The following ZNF280B variants were observed in gnomAD, a reference collection of about 807,000 sequenced individuals.
ZNF280B encodes suppressor of hairy wing homolog 2.
In ZNF280B, 16 loss-of-function variants were observed where a neutral mutation model predicts 38.0. That is an observed-to-expected ratio of 0.42 (90% CI 0.28 to 0.64). The LOEUF (loss-of-function observed/expected upper bound fraction) is 0.64. Among genes scored for constraint, ZNF280B ranks in the 30% least tolerant of loss-of-function variants. The pLI, the probability that ZNF280B is intolerant of heterozygous loss-of-function variation, is 0.21. For synonymous variants in ZNF280B, 253 were observed against 230.6 expected (o/e 1.10, Z -0.88); for missense variants, 581 against 639.6 (o/e 0.91, Z 0.99).
chr22:22,507,302 A>T (rs951836682), intron 2 of ZNF280B, among the ~76,000 whole-genome samples: 3 of 151,670 alleles, frequency 2.0e-5, no homozygotes, highest in Non-Finnish European at 2.9e-5. Flanking sequence ...GAGGTAATAA[A>T]TTTTTTTTTA....
chr22:22,496,656 AAAG>A (rs2061701787), intron 2 of ZNF280B, among the ~76,000 whole-genome samples: 1 of 151,616 alleles, frequency 6.6e-6, no homozygotes, highest in Non-Finnish European at 1.5e-5. Context: ...CAAGTTTGAG[AAAG>A]AAGCAGTGGG....
chr22:22,487,666 T>G lies in ZNF280B; in HGVS notation c.*101A>C. 2 of 949,864 alleles carry G rather than the reference T, an allele frequency of 2.1e-6. No individual in the cohort carries two copies. The highest frequency in any genetic ancestry group is 3.1e-6 in the Non-Finnish European group (2 of 641,884). The allele number at this position is 949,864 out of a possible 1,614,324, so 58.8% of individuals were successfully genotyped here. A position where few individuals can be genotyped will look rare whatever the true frequency, so the allele number is the denominator to read the frequency against. On this transcript the variant is annotated 3_prime_UTR_variant, in exon 4 of 4. Transcript: ENST00000626650. ...GTCATATATAATCCACTAGTTTCAC[T>G]ATTTTTGGTGCTACTGAATAATGTA...
At chr22:22,497,403 C>T (rs574275442) in intron 2 of ZNF280B, among the ~76,000 whole-genome samples, 46 of 151,148 alleles carry the variant, frequency 3.0e-4, no homozygotes, top group Non-Finnish European at 5.2e-4. Flanking sequence ...TGGTGGTGGG[C>T]GCCTGTAATC....
Position 22,484,902 on chromosome 22 carries a change from A to G in ZNF280B, c.*2865T>C, listed in dbSNP as rs892351356. The G allele has an allele frequency of 1.3e-5, 2 of 151,996 alleles. No homozygotes were observed. The highest frequency in any genetic ancestry group is 3.9e-4 in the East Asian group (2 of 5,072). 9.4% of individuals were successfully genotyped at this position (151,996 alleles called of 1,614,324 possible). A position where few individuals can be genotyped will look rare whatever the true frequency, so the allele number is the denominator to read the frequency against. ...GAGATCTCATTGTCAGTGGCATTTTAAGAGCCTTGAAGCTCAATGAACCAA... is the reference window on the plus strand; with the variant it reads ...GAGATCTCATTGTCAGTGGCATTTTGAGAGCCTTGAAGCTCAATGAACCAA... On this transcript the variant is annotated 3_prime_UTR_variant, in exon 4 of 4. Transcript: ENST00000626650.
upstream of ZNF280B, chr22:22,508,791 G>C (rs2061994931): frequency 6.6e-6 from 1 of 152,028 alleles, no homozygotes; most frequent in East Asian, 2.0e-4. Context: ...CCACACGCGC[G>C]CGTCCAGTGG....
intron 2 of ZNF280B, among the ~76,000 whole-genome samples, chr22:22,496,051 C>T (rs886201580): frequency 2.6e-5 from 4 of 151,250 alleles, no homozygotes; most frequent in African/African-American, 9.7e-5. Flanking sequence ...GGTTATCCAC[C>T]CACCTCGGCC....
rs1489789587 is a variant in ZNF280B, at chr22:22,492,875, G to C, written c.-69+1188C>G. 3.5e-5 allele frequency among the ~76,000 whole-genome samples: 5 copies of C among 143,110 alleles called. No individual in the cohort carries two copies. In the East Asian group the frequency reaches 1.1e-3, roughly 30 times the overall value. The allele number at this position is 143,110 out of a possible 152,430, so 93.9% of individuals were successfully genotyped here. A position where few individuals can be genotyped will look rare whatever the true frequency, so the allele number is the denominator to read the frequency against. On this transcript the variant is annotated intron_variant, in intron 3 of 3. Coordinates refer to ENST00000626650, the MANE Select transcript of ZNF280B (RefSeq NM_080764.4). ...CACTCCAGTCCGGGTGACAGTGCGA[G>C]ACTGCATCTCAAAAAAAAAAAAAGA...
chr22:22,506,551 A>AT (rs1463626698), intron 2 of ZNF280B, among the ~76,000 whole-genome samples: 2 of 151,774 alleles, frequency 1.3e-5, no homozygotes, highest in Non-Finnish European at 2.9e-5. Context: ...AATACGGACA[A>AT]CTCTGGAGAA....
chr22:22,485,888 G>A lies in ZNF280B; in HGVS notation c.*1879C>T, dbSNP rs1366598185. 4 of 152,000 alleles carry A rather than the reference G, an allele frequency of 2.6e-5. No individual in the cohort carries two copies. Among genetic ancestry groups the A allele is most frequent in the Non-Finnish European group, 5.9e-5 (4 of 68,104 alleles). 9.4% of individuals were successfully genotyped at this position (152,000 alleles called of 1,614,324 possible). On this transcript the variant is annotated 3_prime_UTR_variant, in exon 4 of 4. Transcript: ENST00000626650. ...GATGGCACCAGAACACAAGCAGGGAGACAACTCCGGGAGTCCACAGAGGCA... is the reference window on the plus strand; with the variant it reads ...GATGGCACCAGAACACAAGCAGGGAAACAACTCCGGGAGTCCACAGAGGCA...
chr22:22,491,258 A>C (rs2061587736), intron 3 of ZNF280B, among the ~76,000 whole-genome samples: 1 of 151,786 alleles, frequency 6.6e-6, no homozygotes, highest in Non-Finnish European at 1.5e-5. Flanking sequence ...TACTCTGAGA[A>C]CTTTATCCAT....
chr22:22,494,667 G>C (rs1446607369), intron 2 of ZNF280B, among the ~76,000 whole-genome samples: 1 of 151,950 alleles, frequency 6.6e-6, no homozygotes, highest in Non-Finnish European at 1.5e-5. Flanking sequence ...AAAGCTGAGA[G>C]ATCAGTGGAT....
At position 22,486,600 on chromosome 22, in the gene ZNF280B, G is replaced by A. The variant is rs2061505090; in HGVS notation, c.*1167C>T. 1 of 152,264 alleles carries A rather than the reference G, an allele frequency of 6.6e-6. No individual in the cohort carries two copies. Among genetic ancestry groups the A allele is most frequent in the African/African-American group, 2.4e-5 (1 of 41,404 alleles). The allele number at this position is 152,264 out of a possible 1,614,324, so 9.4% of individuals were successfully genotyped here. On this transcript the variant is annotated 3_prime_UTR_variant, in exon 4 of 4. Coordinates refer to ENST00000626650, the MANE Select transcript of ZNF280B (RefSeq NM_080764.4). ...TCACCTTTAGATCACAGAACAGGAAGTCAGCTAGTACCAGGCACCATTCTA... is the reference window on the plus strand; with the variant it reads ...TCACCTTTAGATCACAGAACAGGAAATCAGCTAGTACCAGGCACCATTCTA...
At chr22:22,502,506 C>T (rs1215877407) in intron 2 of ZNF280B, among the ~76,000 whole-genome samples, 2 of 151,864 alleles carry the variant, frequency 1.3e-5, no homozygotes, top group Non-Finnish European at 2.9e-5. Flanking sequence ...CATAATGCTG[C>T]TACAAAGTGC....
intron 3 of ZNF280B, 36 bp downstream of exon 3, chr22:22,494,027 G>A (rs1016396776): frequency 6.6e-6 from 1 of 151,694 alleles, no homozygotes; most frequent in African/African-American, 2.4e-5. Flanking sequence ...CCCTCATGAT[G>A]TGATTGGCGC....
Position 22,489,041 on chromosome 22 carries a change from G to A in ZNF280B, c.358C>T (p.Pro120Ser). 1.2e-6 allele frequency: 2 copies of A among 1,613,830 alleles called. No homozygotes were observed. Among genetic ancestry groups the A allele is most frequent in the Non-Finnish European group, 1.7e-6 (2 of 1,179,956 alleles). Reference sequence around the variant, plus strand: ...TTTCTATAATCAGGTTTAGACAAAGGCTCAATAATAATAGGACTATCTGTT... The same window carrying A: ...TTTCTATAATCAGGTTTAGACAAAGACTCAATAATAATAGGACTATCTGTT... The part of the protein sequence containing the change: ...RSTDSPIIIE[P>S]LSKPDYRNSS... The change falls in exon 4 of 4, where the codon CCT becomes TCT. Residue 120 changes from proline (P) to serine (S), a missense_variant. Transcript: ENST00000626650.
At position 22,489,081 on chromosome 22, in the gene ZNF280B, T is replaced by C. The variant is rs1389403270; in HGVS notation, c.318A>G (p.Gln106=). Residue 106 remains glutamine (Q), a synonymous_variant, in exon 4 of 4, where the codon CAA becomes CAG. Transcript: ENST00000626650. ...SEAVTVLPAS[Q]LESRSTDSPI... Reference sequence around the variant, plus strand: ...GACTATCTGTTGATCTCGATTCAAGTTGGGAAGCTGGCAGGACGGTCACTG... The same window carrying C: ...GACTATCTGTTGATCTCGATTCAAGCTGGGAAGCTGGCAGGACGGTCACTG... The C allele has an allele frequency of 2.5e-6, 4 of 1,613,756 alleles. No homozygotes were observed. The highest frequency in any genetic ancestry group is 1.3e-5 in the African/African-American group (1 of 74,842).
At chr22:22,496,105 CTT>C (rs34586676) in intron 2 of ZNF280B, among the ~76,000 whole-genome samples, 2,881 of 114,580 alleles carry the variant, frequency 0.025, 53 homozygotes, top group Middle Eastern at 0.065. Context: ...TGCGCCTGGC[CTT>C]TTTTTTTTTT....
At chr22:22,492,380 G>A (rs905680616) in intron 3 of ZNF280B, among the ~76,000 whole-genome samples, 4 of 151,748 alleles carry the variant, frequency 2.6e-5, no homozygotes, top group African/African-American at 7.3e-5. Flanking sequence ...GGGGGCTGTC[G>A]AGAGCACTGT....
At chr22:22,500,360 AAAT>A (rs1408941568) in intron 2 of ZNF280B, among the ~76,000 whole-genome samples, 63 of 145,842 alleles carry the variant, frequency 4.3e-4, no homozygotes, top group African/African-American at 1.6e-3. Flanking sequence ...TGAATAAACA[AAAT>A]ATTATATATA....
Sources: gnomAD v4.1 joint callset for allele counts (sites outside exome capture counted in the v4.1 genomes callset) on GRCh38, gnomAD v4.1.1 for gene constraint, MANE v1.5 for transcripts, NCBI Gene and HGNC (gene_info 2026-07-23, HGNC 2026-07-21) for gene names.